PCDHA6: variants seen among roughly 807,000 people sequenced by gnomAD.
PCDHA6 encodes protocadherin alpha-6.
Under a neutral mutation model 60.3 loss-of-function variants are expected in PCDHA6, and 55 were observed. The ratio of observed to expected loss-of-function variants is 0.91; its 90% CI spans 0.73 to 1.14. The LOEUF (loss-of-function observed/expected upper bound fraction) is 1.14, where lower values mean the gene tolerates loss of function less well. Ranked by LOEUF, PCDHA6 falls within the 50% of genes most tolerant of loss-of-function variation. The pLI, the probability that PCDHA6 is intolerant of heterozygous loss-of-function variation, is 0.00. For missense variants in PCDHA6, 1,327 were observed against 1,256.5 expected (o/e 1.06, Z -0.85); for synonymous variants, 652 against 557.9 (o/e 1.17, Z -2.38).
intron 2 of PCDHA6, among the ~76,000 whole-genome samples, chr5:140,981,680 C>G (rs1238332235): frequency 6.6e-6 from 1 of 151,746 alleles, no homozygotes; most frequent in Non-Finnish European, 1.5e-5. Context: ...CTTCCTTCCT[C>G]CCTTCCATCA....
intron 3 of PCDHA6, among the ~76,000 whole-genome samples, chr5:141,007,166 A>C (rs548434277): frequency 3.3e-5 from 5 of 152,294 alleles, no homozygotes; most frequent in Admixed American, 6.5e-5. Context: ...GAACAGTCAG[A>C]GAGAAAGGTC....
At chr5:140,889,257 A>G (rs946372435) in intron 1 of PCDHA6, among the ~76,000 whole-genome samples, 1 of 151,854 alleles carries the variant, frequency 6.6e-6, no homozygotes, top group Non-Finnish European at 1.5e-5. Flanking sequence ...TTTCCTGTAA[A>G]AGTTTGTATA....
chr5:140,995,498 CTG>C (rs1554254703), intron 3 of PCDHA6, among the ~76,000 whole-genome samples: 5 of 152,150 alleles, frequency 3.3e-5, no homozygotes, highest in Non-Finnish European at 5.9e-5. Context: ...CTAAGGTTGA[CTG>C]TGGGTAACTG....
chr5:140,918,107 C>T (rs2078522550), intron 1 of PCDHA6, among the ~76,000 whole-genome samples: 1 of 152,132 alleles, frequency 6.6e-6, no homozygotes. Flanking sequence ...AGATCTTTCA[C>T]ATCCTTGATT....
intron 1 of PCDHA6, among the ~76,000 whole-genome samples, chr5:140,973,136 C>G (rs2096573800): frequency 6.6e-6 from 1 of 152,168 alleles, no homozygotes; most frequent in Admixed American, 6.5e-5. Context: ...TTTGCATTCA[C>G]TTTCACTTAT....
Position 140,828,906 on chromosome 5 carries a change from G to A in PCDHA6, c.815G>A (p.Gly272Glu), listed in dbSNP as rs2150160526. 13 of 1,614,242 alleles carry A rather than the reference G, an allele frequency of 8.1e-6. No individual in the cohort carries two copies. The highest frequency in any genetic ancestry group is 9.3e-6 in the Non-Finnish European group (11 of 1,180,048). ...CTGAATGCTTCTGATCGGGATGAAG[G>A]AGCGAATGGGGCAATTTCATATTCT... ...IRLNASDRDE[G>E]ANGAISYSFN... The change falls in exon 1 of 4, where the codon GGA becomes GAA. Residue 272 changes from glycine (G) to glutamate (E), a missense_variant. Physicochemically the swap from Gly to Glu is moderately conservative, Grantham distance 98. Transcript: ENST00000529310.
At chr5:140,977,043 T>G (rs2096743110) in intron 1 of PCDHA6, among the ~76,000 whole-genome samples, 1 of 152,226 alleles carries the variant, frequency 6.6e-6, no homozygotes. Flanking sequence ...AGGATGTTGT[T>G]GCTGATGGAC....
At chr5:140,922,866 GA>G (rs557650266) in intron 1 of PCDHA6, among the ~76,000 whole-genome samples, 2 of 152,096 alleles carry the variant, frequency 1.3e-5, no homozygotes, top group Non-Finnish European at 2.9e-5. Flanking sequence ...TAGACAAGGG[GA>G]AAAAATCCAA....
intron 1 of PCDHA6, chr5:140,877,564 G>A (rs782415331): frequency 1.2e-5 from 20 of 1,613,652 alleles, no homozygotes; most frequent in Middle Eastern, 3.3e-4. Context: ...GGATATTAAC[G>A]TGTACCTCAT....
chr5:140,858,354 C>A lies in PCDHA6; in HGVS notation c.2394+27869C>A, dbSNP rs782580844. On this transcript the variant is annotated intron_variant, in intron 1 of 3. Coordinates refer to ENST00000529310, the MANE Select transcript of PCDHA6 (RefSeq NM_018909.4). ...GGCCTGCCCAAGGCGGACCTCATGG[C>A]CTTCAGCCCCAGCCTTCCACCATGC... is the stretch of plus-strand genomic sequence containing the variant. 66 of 1,593,208 alleles carry A rather than the reference C, an allele frequency of 4.1e-5. 1 individual carries two copies. In the East Asian group the frequency reaches 1.4e-3, roughly 34 times the overall value.
At position 140,829,399 on chromosome 5, in the gene PCDHA6, G is replaced by A; in HGVS notation, c.1308G>A (p.Trp436Ter). Residue 436 changes from tryptophan (W) to a stop codon, truncating the protein, a stop_gained, in exon 1 of 4, where the codon TGG becomes TGA. Coordinates refer to ENST00000529310, the MANE Select transcript of PCDHA6 (RefSeq NM_018909.4). LOFTEE classifies it high-confidence loss of function. Reference protein sequence around the residue: ...TARDGGSPSLWATASLSVEVA... With the variant: ...TARDGGSPSL ...GGGACGGGGGCTCGCCTTCGCTGTG[G>A]GCCACCGCCAGCTTGTCTGTGGAGG... is the stretch of plus-strand genomic sequence containing the variant. 2 of 1,614,074 alleles carry A rather than the reference G, an allele frequency of 1.2e-6. No homozygotes were observed. The highest frequency in any genetic ancestry group is 1.3e-5 in the African/African-American group (1 of 75,044).
intron 3 of PCDHA6, 111 bp downstream of exon 3, chr5:140,982,674 A>G (rs1399250735): frequency 3.4e-6 from 5 of 1,450,700 alleles, no homozygotes; most frequent in Admixed American, 2.7e-5. Context: ...TATTTTTGTT[A>G]TTCCCTTTTT....
intron 1 of PCDHA6, chr5:140,858,026 G>A (rs2045118018): frequency 6.3e-7 from 1 of 1,597,020 alleles, no homozygotes; most frequent in Non-Finnish European, 8.6e-7. Context: ...GTCGCTGACG[G>A]CCACGGCCAC....
chr5:140,850,794 A>G, intron 1 of PCDHA6: 2 of 1,598,296 alleles, frequency 1.3e-6, no homozygotes, highest in Non-Finnish European at 1.7e-6. Context: ...TAAGCAGAAG[A>G]CCGACCTCAT....
At chr5:140,889,872 G>A (rs1554184085) in intron 1 of PCDHA6, among the ~76,000 whole-genome samples, 1 of 152,140 alleles carries the variant, frequency 6.6e-6, no homozygotes, top group South Asian at 2.1e-4. Flanking sequence ...GGGGAAGCCT[G>A]CCACCATGTA....
intron 1 of PCDHA6, chr5:140,865,473 G>C (rs1425429584): frequency 6.6e-6 from 1 of 152,122 alleles, no homozygotes; most frequent in African/African-American, 2.4e-5. Context: ...TAAACATTAA[G>C]GAAATCTTCA....
intron 1 of PCDHA6, among the ~76,000 whole-genome samples, chr5:140,889,446 TTAATC>T (rs1274795213): frequency 7.2e-5 from 11 of 152,204 alleles, no homozygotes; most frequent in African/African-American, 2.4e-4. Flanking sequence ...ATTTTCCTGT[TTAATC>T]TAAATTTTCA....
Position 140,829,886 on chromosome 5 carries a change from G to A in PCDHA6, c.1795G>A (p.Ala599Thr), listed in dbSNP as rs2150176941. The A allele has an allele frequency of 5.0e-6, 8 of 1,613,958 alleles. No individual in the cohort carries two copies. The highest frequency in any genetic ancestry group is 6.8e-6 in the Non-Finnish European group (8 of 1,179,888). ...QVVAKVRAVD[A>T]DSGYNAWLSY... is the part of the protein sequence containing the mutation. Reference sequence around the variant, plus strand: ...GGTGGCGAAGGTGCGCGCAGTTGACGCCGACTCAGGCTACAACGCGTGGCT... The same window carrying A: ...GGTGGCGAAGGTGCGCGCAGTTGACACCGACTCAGGCTACAACGCGTGGCT... The change falls in exon 1 of 4, where the codon GCC (alanine) becomes ACC (threonine). Residue 599 changes from alanine to threonine, a missense_variant. Transcript: ENST00000529310.
intron 1 of PCDHA6, chr5:140,875,592 A>G: frequency 6.2e-7 from 1 of 1,613,992 alleles, no homozygotes; most frequent in Non-Finnish European, 8.5e-7. Flanking sequence ...AGGAGGCCAA[A>G]CACGGCACCT....
Sources: gnomAD v4.1 joint callset for allele counts (sites outside exome capture counted in the v4.1 genomes callset) on GRCh38, gnomAD v4.1.1 for gene constraint, MANE v1.5 for transcripts, NCBI Gene and HGNC (gene_info 2026-07-23, HGNC 2026-07-21) for gene names.